The following PEPD variants were observed in gnomAD, a reference collection of about 807,000 sequenced individuals.
The protein encoded by PEPD is peptidase D.
PEPD carries 53 observed loss-of-function variants against 60.7 expected under a neutral mutation model. That is an observed-to-expected ratio of 0.87 (90% confidence interval 0.70 to 1.10). The LOEUF (loss-of-function observed/expected upper bound fraction) is 1.10. PEPD is among the 50% of genes least tolerant of loss of function. The pLI is 0.00. For synonymous variants in PEPD, 267 were observed against 284.1 expected (o/e 0.94, Z 0.60); for missense variants, 711 against 711.9 (o/e 1.00, Z 0.01).
At chr19:33,449,912 T>C (rs920023086) in intron 9 of PEPD, among the ~76,000 whole-genome samples, 1 of 152,116 alleles carries the variant, frequency 6.6e-6, no homozygotes, top group African/African-American at 2.4e-5. Flanking sequence ...CCCAAGGGGA[T>C]GAATGCTTGC....
chr19:33,509,483 ACACACCAT>A (rs1970880318), intron 3 of PEPD, among the ~76,000 whole-genome samples: 2 of 152,326 alleles, frequency 1.3e-5, no homozygotes, highest in South Asian at 4.1e-4. Context: ...CAGGAGCAGC[ACACACCAT>A]GGCCAACGAA....
intron 9 of PEPD, among the ~76,000 whole-genome samples, chr19:33,460,226 C>T (rs1195673035): frequency 2.6e-5 from 4 of 152,178 alleles, no homozygotes; most frequent in Admixed American, 2.0e-4. Context: ...ATACATTTCC[C>T]GACACCTACA....
chr19:33,443,841 A>C (rs189815524), intron 9 of PEPD, among the ~76,000 whole-genome samples: 203 of 152,300 alleles, frequency 1.3e-3, no homozygotes, highest in African/African-American at 4.7e-3. Flanking sequence ...AAGAGTGTGT[A>C]ATGGGTGTAC....
intron 2 of PEPD, 67 bp from the exon 3 acceptor site, chr19:33,511,222 C>A (rs1970920681): frequency 3.0e-5 from 47 of 1,557,352 alleles, no homozygotes; most frequent in Non-Finnish European, 4.1e-5. Flanking sequence ...CCGGTGGCTG[C>A]ATCACAGCAC....
In PEPD at chr19:33,413,568, C is replaced by A; in HGVS notation, c.740+7G>T. 1.3e-6 allele frequency: 2 copies of A among 1,549,428 alleles called. No individual in the cohort carries two copies. The highest frequency in any genetic ancestry group is 2.4e-5 in the East Asian group (1 of 42,126). ...CACCCCCAGGGGAGCCAGGGTGCCC[C>A]GCTTACCTGCCGCAGATGCAGGTGT... On this transcript the variant is annotated splice_region_variant and intron_variant, in intron 10 of 14. Transcript: ENST00000244137.
chr19:33,420,282 A>G (rs1483018728), intron 9 of PEPD, among the ~76,000 whole-genome samples: 1 of 152,244 alleles, frequency 6.6e-6, no homozygotes, highest in Non-Finnish European at 1.5e-5. Context: ...TCTCTGCACA[A>G]AGAAAAAAAG....
intron 13 of PEPD, 86 bp from the exon 14 acceptor site, chr19:33,388,167 G>T (rs766992506): frequency 2.6e-6 from 3 of 1,158,120 alleles, no homozygotes; most frequent in South Asian, 2.6e-5. Flanking sequence ...GTGAGGGCCG[G>T]TGCCAGTCTC....
chr19:33,391,267 C>T (rs571392667), intron 13 of PEPD, 28 bp downstream of exon 13: 21 of 1,581,692 alleles, frequency 1.3e-5, no homozygotes, highest in Admixed American at 8.6e-5. Flanking sequence ...GATGGGCAGG[C>T]CACTCCGCCT....
intron 9 of PEPD, among the ~76,000 whole-genome samples, chr19:33,432,010 A>AAAAAAAAAAAAAGG: frequency 6.8e-6 from 1 of 147,516 alleles, no homozygotes; most frequent in African/African-American, 2.6e-5. Flanking sequence ...AAAAAAAAAA[A>AAAAAAAAAAAAAGG]GGGAAGATTA....
At chr19:33,479,512 G>T (rs1970277768) in intron 6 of PEPD, among the ~76,000 whole-genome samples, 1 of 151,966 alleles carries the variant, frequency 6.6e-6, no homozygotes, top group South Asian at 2.1e-4. Context: ...TGCCACCTAG[G>T]TATTAAGTCT....
At chr19:33,409,144 C>T (rs1043276568) in intron 11 of PEPD, among the ~76,000 whole-genome samples, 3 of 152,222 alleles carry the variant, frequency 2.0e-5, no homozygotes, top group African/African-American at 7.2e-5. Flanking sequence ...GGACCCTCTC[C>T]GGGGCAGATA....
intron 1 of PEPD, among the ~76,000 whole-genome samples, chr19:33,519,785 G>A (rs1239598288): frequency 6.6e-6 from 1 of 152,134 alleles, no homozygotes; most frequent in Admixed American, 6.5e-5. Flanking sequence ...TCATTCTGGG[G>A]CCAGGCGTGG....
chr19:33,487,635 C>T (rs1202091609), intron 6 of PEPD, among the ~76,000 whole-genome samples: 2 of 152,180 alleles, frequency 1.3e-5, no homozygotes, highest in African/African-American at 2.4e-5. Flanking sequence ...GCTGAGGGGC[C>T]GGGTGAGCAC....
chr19:33,445,415 G>A (rs552771918), intron 9 of PEPD, among the ~76,000 whole-genome samples: 44 of 152,316 alleles, frequency 2.9e-4, no homozygotes, highest in African/African-American at 1.0e-3. Context: ...CTTTAAACAG[G>A]TGATTAGGCT....
chr19:33,387,815 G>T, intron 14 of PEPD, 75 bp downstream of exon 14: 2 of 1,243,232 alleles, frequency 1.6e-6, no homozygotes, highest in Non-Finnish European at 2.3e-6. Flanking sequence ...CCCCTGTCTT[G>T]GGACTAAGGA....
chr19:33,400,182 G>GT (rs1202759968), intron 12 of PEPD, among the ~76,000 whole-genome samples: 1 of 152,214 alleles, frequency 6.6e-6, no homozygotes, highest in Non-Finnish European at 1.5e-5. Context: ...GTGGGCGAGG[G>GT]TGGGGGCAAG....
chr19:33,393,207 GGTCTGGCGTCGGGGAGGCCGTC>G (rs1305472050), intron 12 of PEPD, among the ~76,000 whole-genome samples: 1 of 149,276 alleles, frequency 6.7e-6, no homozygotes, highest in Admixed American at 6.6e-5. Flanking sequence ...CGGGGTCTGG[GGTCTGGCGTCGGGGAGGCCGTC>G]CCGGGGTCTG....
chr19:33,517,599 C>T (rs1971047655), intron 1 of PEPD, among the ~76,000 whole-genome samples: 1 of 151,716 alleles, frequency 6.6e-6, no homozygotes, highest in African/African-American at 2.4e-5. Flanking sequence ...AACCTGATGC[C>T]GAGAATGGTA....
intron 11 of PEPD, among the ~76,000 whole-genome samples, chr19:33,402,381 T>C (rs1255459013): frequency 6.6e-6 from 1 of 151,976 alleles, no homozygotes; most frequent in Non-Finnish European, 1.5e-5. Flanking sequence ...GGACCCCGGA[T>C]GGGATGCACG....
Sources: allele counts gnomAD v4.1 joint callset (sites outside exome capture counted in the v4.1 genomes callset), GRCh38; gene constraint gnomAD v4.1.1; transcripts MANE v1.5; gene names NCBI Gene and HGNC (gene_info 2026-07-23, HGNC 2026-07-21).